The following NREP variants were observed in gnomAD, a reference collection of about 807,000 sequenced individuals.
NREP encodes neuronal regeneration related protein.
Under a neutral mutation model 8.6 loss-of-function variants are expected in NREP, and 5 were observed. That is an observed-to-expected ratio of 0.58 (90% confidence interval 0.30 to 1.22). NREP has a LOEUF of 1.22. Among genes scored for constraint, NREP ranks in the 50% most tolerant of loss-of-function variants. NREP has a pLI of 0.07. For missense variants in NREP, 86 were observed against 82.5 expected (o/e 1.04, Z -0.17); for synonymous variants, 27 against 28.0 (o/e 0.96, Z 0.11).
intron 2 of NREP, among the ~76,000 whole-genome samples, chr5:111,775,719 G>A (rs905876867): frequency 5.3e-5 from 8 of 152,040 alleles, no homozygotes; most frequent in Non-Finnish European, 1.0e-4. Flanking sequence ...AATTTGATGC[G>A]AAGAAAATAT....
At chr5:111,921,361 C>T (rs1384566229) in intron 2 of NREP, among the ~76,000 whole-genome samples, 1 of 152,084 alleles carries the variant, frequency 6.6e-6, no homozygotes, top group Non-Finnish European at 1.5e-5. Flanking sequence ...TCCAATTCAG[C>T]CATTTAGACC....
chr5:111,850,193 C>G, intron 2 of NREP, among the ~76,000 whole-genome samples: 1 of 152,256 alleles, frequency 6.6e-6, no homozygotes, highest in South Asian at 2.1e-4. Flanking sequence ...GTCCTTTAGC[C>G]ACTATTTAGT....
chr5:111,883,794 T>A (rs1193632282), intron 2 of NREP, among the ~76,000 whole-genome samples: 1 of 151,932 alleles, frequency 6.6e-6, no homozygotes, highest in East Asian at 1.9e-4. Context: ...AGACACAACA[T>A]ACCAGAATCT....
chr5:111,888,342 C>CG (rs55744973), intron 2 of NREP, among the ~76,000 whole-genome samples: 10,265 of 150,058 alleles, frequency 0.068, 630 homozygotes, highest in East Asian at 0.24. Context: ...TGCTGGGTGG[C>CG]GGGGGGGGTC....
chr5:111,968,884 G>C (rs1400330847), intron 2 of NREP, among the ~76,000 whole-genome samples: 2 of 152,196 alleles, frequency 1.3e-5, no homozygotes, highest in Non-Finnish European at 2.9e-5. Context: ...TGGTTTTCAA[G>C]GCCCTTCACA....
chr5:111,919,874 A>AGAAAGAAAGAAG (rs1344125438), intron 2 of NREP, among the ~76,000 whole-genome samples: 1 of 84,544 alleles, frequency 1.2e-5, no homozygotes, highest in African/African-American at 3.7e-5. Context: ...AGAGAGAGAA[A>AGAAAGAAAGAAG]GAAAGAAAGA....
chr5:111,806,020 A>G (rs1752133104), intron 2 of NREP, among the ~76,000 whole-genome samples: 1 of 152,226 alleles, frequency 6.6e-6, no homozygotes, highest in African/African-American at 2.4e-5. Flanking sequence ...CACTAAAAAT[A>G]TAATTTTTAT....
At chr5:111,919,218 A>C (rs993564258) in intron 2 of NREP, among the ~76,000 whole-genome samples, 1 of 152,202 alleles carries the variant, frequency 6.6e-6, no homozygotes, top group Admixed American at 6.5e-5. Flanking sequence ...TTAGCAAGTC[A>C]GGAAACAACA....
At chr5:111,843,323 T>A (rs1753078926) in intron 2 of NREP, among the ~76,000 whole-genome samples, 1 of 151,910 alleles carries the variant, frequency 6.6e-6, no homozygotes, top group African/African-American at 2.4e-5. Flanking sequence ...TTGATTAAGT[T>A]TACTGTGGAA....
intron 2 of NREP, among the ~76,000 whole-genome samples, chr5:111,918,228 C>T (rs1361408597): frequency 6.6e-6 from 1 of 152,256 alleles, no homozygotes; most frequent in South Asian, 2.1e-4. Flanking sequence ...AAACAGAAAA[C>T]ATTCCATGCT....
At chr5:111,839,337 G>T (rs77573642) in intron 2 of NREP, among the ~76,000 whole-genome samples, 2 of 152,218 alleles carry the variant, frequency 1.3e-5, no homozygotes, top group East Asian at 1.9e-4. Context: ...AGAGTCATAG[G>T]TGGTGATGTG....
At chr5:111,854,303 T>A (rs1287013011) in intron 2 of NREP, among the ~76,000 whole-genome samples, 1 of 152,154 alleles carries the variant, frequency 6.6e-6, no homozygotes, top group African/African-American at 2.4e-5. Flanking sequence ...TTAGAGCACA[T>A]ATCCCAAGTC....
intron 2 of NREP, among the ~76,000 whole-genome samples, chr5:111,886,400 G>A (rs1220748016): frequency 6.6e-6 from 1 of 152,108 alleles, no homozygotes; most frequent in Non-Finnish European, 1.5e-5. Context: ...CAGCCATTGT[G>A]GAAGTCAGTG....
At chr5:111,975,426 G>C in intron 1 of NREP, 1 of 1,309,122 alleles carries the variant, frequency 7.6e-7, no homozygotes, top group Non-Finnish European at 1.1e-6. Flanking sequence ...ACCCCCCTGA[G>C]TGCCACAACT....
intron 2 of NREP, among the ~76,000 whole-genome samples, chr5:111,889,545 C>T (rs991773217): frequency 5.3e-5 from 8 of 152,176 alleles, no homozygotes; most frequent in African/African-American, 1.7e-4. Context: ...TATAATCATC[C>T]CTTCTCAATA....
chr5:111,851,981 A>G (rs529063038), intron 2 of NREP, among the ~76,000 whole-genome samples: 1 of 152,304 alleles, frequency 6.6e-6, no homozygotes, highest in Non-Finnish European at 1.5e-5. Context: ...CCCTTCCAAA[A>G]TTCATGTTGA....
intron 2 of NREP, among the ~76,000 whole-genome samples, chr5:111,765,882 G>A (rs1020172210): frequency 2.0e-5 from 3 of 152,060 alleles, no homozygotes; most frequent in African/African-American, 4.8e-5. Flanking sequence ...CAGGCAGAAC[G>A]ATTTGTAAAA....
chr5:111,770,519 AT>A (rs1302180110), intron 2 of NREP, among the ~76,000 whole-genome samples: 3 of 151,300 alleles, frequency 2.0e-5, no homozygotes, highest in South Asian at 2.1e-4. Flanking sequence ...CAGTTTAGGA[AT>A]AAAAAATATT....
At chr5:111,834,320 T>C (rs1026790486) in intron 2 of NREP, among the ~76,000 whole-genome samples, 2 of 152,228 alleles carry the variant, frequency 1.3e-5, no homozygotes, top group African/African-American at 4.8e-5. Flanking sequence ...GGGAGATTCA[T>C]TATCAAATAC....
Sources: allele counts gnomAD v4.1 joint callset (sites outside exome capture counted in the v4.1 genomes callset), GRCh38; gene constraint gnomAD v4.1.1; transcripts MANE v1.5; gene names NCBI Gene and HGNC (gene_info 2026-07-23, HGNC 2026-07-21).